Variants in AHCYL1 observed in about 807,000 individuals in gnomAD.
The protein encoded by AHCYL1 is S-adenosylhomocysteine hydrolase-like protein 1.
In AHCYL1, 20 loss-of-function variants were observed where a neutral mutation model predicts 79.3. The observed-to-expected ratio is 0.25, with a 90% confidence interval of 0.18 to 0.37. The LOEUF (loss-of-function observed/expected upper bound fraction) is 0.37. AHCYL1 is among the 10% of genes least tolerant of loss of function. The pLI, the probability that AHCYL1 is intolerant of heterozygous loss-of-function variation, is 1.00. For synonymous variants in AHCYL1, 223 were observed against 242.2 expected (o/e 0.92, Z 0.74); for missense variants, 330 against 673.6 (o/e 0.49, Z 5.65).
chr1:110,002,457 A>G (rs1372631877), intron 1 of AHCYL1, among the ~76,000 whole-genome samples: 1 of 152,250 alleles, frequency 6.6e-6, no homozygotes, highest in Non-Finnish European at 1.5e-5. Context: ...CAATTAATGT[A>G]TAATTAAGTG....
chr1:109,992,651 A>G (rs1649828680), intron 1 of AHCYL1, among the ~76,000 whole-genome samples: 2 of 152,192 alleles, frequency 1.3e-5, no homozygotes, highest in South Asian at 2.1e-4. Context: ...TGTAGAAGAT[A>G]GAGAATTGGA....
intron 3 of AHCYL1, 80 bp downstream of exon 3, chr1:110,011,437 A>G: frequency 5.1e-6 from 8 of 1,566,404 alleles, no homozygotes; most frequent in Non-Finnish European, 6.9e-6. Flanking sequence ...TTAAGACTTG[A>G]AAGCTGACTT....
chr1:110,021,890 C>G lies in AHCYL1; in HGVS notation c.*210C>G, dbSNP rs893684823. On this transcript the variant is annotated 3_prime_UTR_variant, in exon 17 of 17. Transcript: ENST00000369799. The stretch of plus-strand genomic sequence containing the variant: ...GATGAAATAGAAGTTCAGGGTTCCT[C>G]ACTCTAGTCACTAAAGAAGGATTTT... 2.0e-6 allele frequency: 1 copy of G among 512,304 alleles called. No homozygotes were observed. The highest frequency in any genetic ancestry group is 3.4e-6 in the Non-Finnish European group (1 of 294,718). The allele number at this position is 512,304 out of a possible 1,614,324, so 31.7% of individuals were successfully genotyped here.
intron 1 of AHCYL1, among the ~76,000 whole-genome samples, chr1:110,003,401 A>G (rs1650435125): frequency 6.6e-6 from 1 of 152,282 alleles, no homozygotes; most frequent in South Asian, 2.1e-4. Context: ...CTAGGTGGAG[A>G]GTACAGGTGT....
intron 8 of AHCYL1, 45 bp downstream of exon 8, chr1:110,016,505 T>G: frequency 6.3e-7 from 1 of 1,577,560 alleles, no homozygotes; most frequent in Non-Finnish European, 8.7e-7. Context: ...GGCTCTGGTC[T>G]TCCTTTGGCT....
At chr1:110,013,377 T>G (rs183861958) in intron 5 of AHCYL1, among the ~76,000 whole-genome samples, 1 of 152,230 alleles carries the variant, frequency 6.6e-6, no homozygotes, top group Non-Finnish European at 1.5e-5. Flanking sequence ...ATTGAAAATA[T>G]ATGAGCTATT....
chr1:110,018,462 G>A lies in AHCYL1; in HGVS notation c.1213G>A (p.Asp405Asn), dbSNP rs538566120. 7 of 1,614,122 alleles carry A rather than the reference G, an allele frequency of 4.3e-6. No homozygotes were observed. Among genetic ancestry groups the A allele is most frequent in the South Asian group, 1.1e-5 (1 of 91,090 alleles). ...TATGGGCCACTCCAACACAGAAATC[G>A]ATGTGGTAAGGCTTCTCTCATTTGT... Reference protein sequence around the residue: ...CNMGHSNTEIDVTSLRTPELT... With the variant: ...CNMGHSNTEINVTSLRTPELT... The change falls in exon 12 of 17, where the codon GAT becomes AAT. Residue 405 changes from aspartate (D) to asparagine (N), a missense_variant. Asp to Asn is a conservative substitution (Grantham distance 23). Around this residue, in one of 6 missense-constraint regions of AHCYL1, gnomAD observed 119 missense variants for 293.3 expected, o/e 0.41. Transcript: ENST00000369799.
intron 1 of AHCYL1, 171 bp downstream of exon 1, chr1:109,985,343 G>T: frequency 7.5e-7 from 1 of 1,327,210 alleles, no homozygotes; most frequent in Non-Finnish European, 9.6e-7. Context: ...CTGAAAGGCC[G>T]CCTCTGACCT....
chr1:110,009,859 A>G (rs781531204), intron 2 of AHCYL1, among the ~76,000 whole-genome samples: 12 of 152,252 alleles, frequency 7.9e-5, no homozygotes, highest in South Asian at 2.1e-4. Flanking sequence ...GGGACATCTA[A>G]TGGGGCATCC....
rs1321998567 is a variant in AHCYL1, at chr1:110,023,709, AATC to A, written c.*2032_*2034del. 6.6e-6 allele frequency: 1 copy of A among 152,668 alleles called. No homozygotes were observed. Among genetic ancestry groups the A allele is most frequent in the Admixed American group, 6.5e-5 (1 of 15,284 alleles). The allele number at this position is 152,668 out of a possible 1,614,324, so 9.5% of individuals were successfully genotyped here. ...ATATTAATCCTTGCAGATGAGCAAT[AATC>A]ATTAAAATCGATTAAAATGATAAGA... On this transcript the variant is annotated 3_prime_UTR_variant, in exon 17 of 17. Transcript: ENST00000369799.
chr1:110,014,726 A>C (rs774848352), intron 5 of AHCYL1, 37 bp from the exon 6 acceptor site: 2 of 1,522,184 alleles, frequency 1.3e-6, no homozygotes, highest in South Asian at 2.2e-5. Flanking sequence ...GACACTCCTC[A>C]AAGGAGGAAT....
chr1:110,009,081 C>A lies in AHCYL1; in HGVS notation c.168C>A (p.Thr56=). The part of the protein sequence containing the change: ...DDMQEFTKFP[T]KTGRRSLSRS... The stretch of plus-strand genomic sequence containing the variant: ...TGCAGGAGTTCACCAAATTCCCCAC[C>A]AAAACTGGCCGAAGATCTTTGTCTC... The change falls in exon 2 of 17, where the codon ACC becomes ACA. Residue 56 remains threonine (T), a synonymous_variant. Transcript: ENST00000369799. 6.2e-7 allele frequency: 1 copy of A among 1,614,052 alleles called. No individual in the cohort carries two copies. Among genetic ancestry groups the A allele is most frequent in the Admixed American group, 1.7e-5 (1 of 60,024 alleles).
Position 110,017,998 on chromosome 1 carries a change from G to A in AHCYL1, c.1105G>A (p.Val369Ile). ...KLNEVIRQVDVVITCTGNKNV... is the reference protein window; with the variant it reads ...KLNEVIRQVDIVITCTGNKNV... ...AAATGAAGTCATCCGGCAAGTCGAT[G>A]TCGTAATAACTTGCACAGGTAAATA... The change falls in exon 11 of 17, where the codon GTC becomes ATC. Residue 369 changes from valine (V) to isoleucine (I), a missense_variant. Val to Ile is a conservative substitution (Grantham distance 29). Around this residue, in one of 6 missense-constraint regions of AHCYL1, gnomAD observed 119 missense variants for 293.3 expected, o/e 0.41. Transcript: ENST00000369799. The A allele has an allele frequency of 6.2e-7, 1 of 1,614,178 alleles. No individual in the cohort carries two copies. The highest frequency in any genetic ancestry group is 8.5e-7 in the Non-Finnish European group (1 of 1,180,018).
Position 110,009,108 on chromosome 1 carries a change from C to T in AHCYL1, c.195C>T (p.Arg65=). The change falls in exon 2 of 17, where the codon CGC becomes CGT. Residue 65 remains arginine, a synonymous_variant. Coordinates refer to ENST00000369799, the MANE Select transcript of AHCYL1 (RefSeq NM_006621.7). The stretch of plus-strand genomic sequence containing the variant: ...AAACTGGCCGAAGATCTTTGTCTCG[C>T]TCGATCTCACAGTCCTCCACTGACA... The part of the protein sequence containing the change: ...PTKTGRRSLS[R]SISQSSTDSY... The T allele has an allele frequency of 6.2e-7, 1 of 1,613,944 alleles. No individual in the cohort carries two copies.
intron 1 of AHCYL1, among the ~76,000 whole-genome samples, chr1:110,003,674 T>G (rs911183269): frequency 6.6e-6 from 1 of 151,954 alleles, no homozygotes; most frequent in Admixed American, 6.6e-5. Context: ...TGTGTTTATA[T>G]AATATTGGTG....
intron 9 of AHCYL1, 66 bp downstream of exon 9, chr1:110,016,796 G>C: frequency 6.3e-7 from 1 of 1,590,686 alleles, no homozygotes; most frequent in Non-Finnish European, 8.6e-7. Flanking sequence ...GGTAAAGGAG[G>C]CTTGTGCTGT....
At chr1:110,019,452 G>A (rs1651648198) in intron 14 of AHCYL1, 96 bp from the exon 15 acceptor site, 1 of 1,087,188 alleles carries the variant, frequency 9.2e-7, no homozygotes, top group African/African-American at 1.6e-5. Flanking sequence ...GTAGATCACT[G>A]TAGTACTTAC....
Position 110,018,534 on chromosome 1 carries a change from G to T in AHCYL1, c.1219-18G>T. The T allele has an allele frequency of 6.2e-7, 1 of 1,614,038 alleles. No individual in the cohort carries two copies. The highest frequency in any genetic ancestry group is 8.5e-7 in the Non-Finnish European group (1 of 1,179,956). Reference sequence around the variant, plus strand: ...CTTTCATTAATAACCATAGTCAACTGTGCTTTCTTCCTTTCAGACCAGCCT... The same window carrying T: ...CTTTCATTAATAACCATAGTCAACTTTGCTTTCTTCCTTTCAGACCAGCCT... On this transcript the variant is annotated intron_variant, in intron 12 of 16. Coordinates refer to ENST00000369799, the MANE Select transcript of AHCYL1 (RefSeq NM_006621.7).
At chr1:109,991,464 A>G (rs1048065637) in intron 1 of AHCYL1, among the ~76,000 whole-genome samples, 2 of 152,176 alleles carry the variant, frequency 1.3e-5, no homozygotes, top group Non-Finnish European at 2.9e-5. Flanking sequence ...TTTAAAGTGG[A>G]CAGCCTGTAC....
Sources: gnomAD v4.1 joint callset for allele counts (sites outside exome capture counted in the v4.1 genomes callset) on GRCh38, gnomAD v4.1.1 for gene constraint, gnomAD v4.1.1 regional missense constraint, MANE v1.5 for transcripts, NCBI Gene and HGNC (gene_info 2026-07-23, HGNC 2026-07-21) for gene names.